MARCHF11: variants seen among roughly 807,000 people sequenced by gnomAD.
MARCHF11 encodes E3 ubiquitin-protein ligase MARCHF11.
Under a neutral mutation model 37.3 loss-of-function variants are expected in MARCHF11, and 29 were observed. The observed-to-expected ratio is 0.78, with a 90% CI of 0.58 to 1.06. The LOEUF is 1.06. Among genes scored for constraint, MARCHF11 ranks in the 50% least tolerant of loss-of-function variants. The probability of loss-of-function intolerance (pLI) is 0.00; values close to 1 mark genes in which losing one functional copy is unlikely to be tolerated. For missense variants in MARCHF11, 482 were observed against 533.4 expected (o/e 0.90, Z 0.95); for synonymous variants, 233 against 228.0 (o/e 1.02, Z -0.20).
chr5:16,135,594 T>A (rs1737595096), intron 2 of MARCHF11, among the ~76,000 whole-genome samples: 1 of 152,092 alleles, frequency 6.6e-6, no homozygotes, highest in South Asian at 2.1e-4. Flanking sequence ...TGAGATCATG[T>A]AGCTCAAGAA....
At chr5:16,155,984 ATG>A (rs1205538708) in intron 2 of MARCHF11, among the ~76,000 whole-genome samples, 1 of 151,874 alleles carries the variant, frequency 6.6e-6, no homozygotes, top group Non-Finnish European at 1.5e-5. Flanking sequence ...TACCTAATAA[ATG>A]TTTCAGTCCT....
At chr5:16,111,066 G>A (rs1047310812) in intron 2 of MARCHF11, among the ~76,000 whole-genome samples, 20 of 152,296 alleles carry the variant, frequency 1.3e-4, no homozygotes, top group East Asian at 1.2e-3. Flanking sequence ...GATTGGAACC[G>A]TGAGTCCATT....
In MARCHF11 at chr5:16,166,966, GTTCATTTACTTATGAACA is replaced by G. The variant is rs1366205735; in HGVS notation, c.693+10742_693+10759del. ...ATGAGTGTGAGGAACGTACAACGAT[GTTCATTTACTTATGAACA>G]TACAACGATGTTCATTTACTTATGA... On this transcript the variant is annotated intron_variant, in intron 2 of 3. Coordinates refer to ENST00000332432, the MANE Select transcript of MARCHF11 (RefSeq NM_001102562.3). Among the ~76,000 whole-genome samples the G allele has an allele frequency of 1.2e-3, 4 of 3,356 alleles. No individual in the cohort carries two copies. In the Non-Finnish European group the frequency reaches 0.017, roughly 14 times the overall value. 2.2% of individuals were successfully genotyped at this position (3,356 alleles called of 152,430 possible).
At chr5:16,098,404 G>A (rs752185792) in intron 2 of MARCHF11, among the ~76,000 whole-genome samples, 5 of 152,202 alleles carry the variant, frequency 3.3e-5, no homozygotes, top group Admixed American at 1.3e-4. Flanking sequence ...GATTATCTGC[G>A]TAGAAATCCC....
At chr5:16,083,960 G>A (rs1051808665) in intron 3 of MARCHF11, among the ~76,000 whole-genome samples, 1 of 152,174 alleles carries the variant, frequency 6.6e-6, no homozygotes, top group African/African-American at 2.4e-5. Context: ...TGATCACAGA[G>A]TTTGATTATC....
intron 2 of MARCHF11, among the ~76,000 whole-genome samples, chr5:16,101,375 C>CAA (rs200730565): frequency 6.7e-6 from 1 of 148,790 alleles, no homozygotes; most frequent in Non-Finnish European, 1.5e-5. Context: ...GACTCCATCT[C>CAA]AAAAAAAAAA....
intron 2 of MARCHF11, among the ~76,000 whole-genome samples, chr5:16,151,496 C>A (rs1230868874): frequency 6.6e-6 from 1 of 151,554 alleles, no homozygotes; most frequent in Non-Finnish European, 1.5e-5. Context: ...ATCCTTTTCC[C>A]AGAAACCATT....
chr5:16,072,526 G>A (rs1452413832), intron 3 of MARCHF11, among the ~76,000 whole-genome samples: 1 of 151,816 alleles, frequency 6.6e-6, no homozygotes, highest in African/African-American at 2.4e-5. Context: ...GTGTGTGTGT[G>A]TGTGTGTGTG....
intron 2 of MARCHF11, among the ~76,000 whole-genome samples, chr5:16,151,649 ATGTGTGTGTGTGTGTGTG>A (rs58891017): frequency 3.0e-5 from 4 of 131,496 alleles, no homozygotes; most frequent in Non-Finnish European, 6.4e-5. Context: ...CGTGAGTTGA[ATGTGTGTGTGTGTGTGTG>A]TGTGTGTGTG....
intron 2 of MARCHF11, among the ~76,000 whole-genome samples, chr5:16,175,733 C>T (rs182922): frequency 0.6 from 91,415 of 152,138 alleles, 28,971 homozygotes; most frequent in East Asian, 0.87. Context: ...AGGGATTGGC[C>T]TCACACAGAT....
intron 3 of MARCHF11, among the ~76,000 whole-genome samples, chr5:16,077,742 G>C (rs958359372): frequency 2.0e-5 from 3 of 152,180 alleles, no homozygotes; most frequent in Non-Finnish European, 4.4e-5. Flanking sequence ...GAAAATTCAA[G>C]ATTGGGATGT....
At chr5:16,076,051 GTCTT>G (rs1360008091) in intron 3 of MARCHF11, among the ~76,000 whole-genome samples, 2 of 152,194 alleles carry the variant, frequency 1.3e-5, no homozygotes, top group African/African-American at 4.8e-5. Flanking sequence ...ATTCCTCCCT[GTCTT>G]TTCAGGCAAA....
intron 3 of MARCHF11, among the ~76,000 whole-genome samples, chr5:16,088,032 G>C (rs953473198): frequency 2.0e-5 from 3 of 152,306 alleles, no homozygotes; most frequent in South Asian, 2.1e-4. Context: ...GGACAGACAG[G>C]AAAGAGGGAT....
chr5:16,105,748 G>A (rs1737029102), intron 2 of MARCHF11, among the ~76,000 whole-genome samples: 1 of 152,068 alleles, frequency 6.6e-6, no homozygotes, highest in African/African-American at 2.4e-5. Context: ...CCCATCAGAA[G>A]GCCAAACACC....
intron 3 of MARCHF11, among the ~76,000 whole-genome samples, chr5:16,078,573 T>C (rs1736557817): frequency 6.6e-6 from 1 of 152,174 alleles, no homozygotes. Flanking sequence ...TTTAGAAGAA[T>C]GGTCATGTTC....
intron 2 of MARCHF11, among the ~76,000 whole-genome samples, chr5:16,108,611 T>C: frequency 6.6e-6 from 1 of 151,974 alleles, no homozygotes; most frequent in East Asian, 1.9e-4. Flanking sequence ...ACCAGATATG[T>C]TTGCTTCCAG....
intron 2 of MARCHF11, among the ~76,000 whole-genome samples, chr5:16,134,064 G>C (rs560290574): frequency 6.6e-6 from 1 of 152,100 alleles, no homozygotes; most frequent in Admixed American, 6.6e-5. Flanking sequence ...AGAAACAATC[G>C]TTAAAGCAAT....
At chr5:16,120,370 A>G (rs1298375450) in intron 2 of MARCHF11, among the ~76,000 whole-genome samples, 1 of 152,154 alleles carries the variant, frequency 6.6e-6, no homozygotes, top group Non-Finnish European at 1.5e-5. Context: ...TACAAGTCTC[A>G]CTTAGATTGC....
chr5:16,125,617 CTCTGTGTGTGTGTGTGTGTG>C (rs1480874191), intron 2 of MARCHF11, among the ~76,000 whole-genome samples: 137 of 117,026 alleles, frequency 1.2e-3, no homozygotes, highest in African/African-American at 4.5e-3. Flanking sequence ...CTGGCACACT[CTCTGTGTGTGTGTGTGTGTG>C]TGTGTGTGTG....
Sources: allele counts gnomAD v4.1 joint callset (sites outside exome capture counted in the v4.1 genomes callset), GRCh38; gene constraint gnomAD v4.1.1; transcripts MANE v1.5; gene names NCBI Gene and HGNC (gene_info 2026-07-23, HGNC 2026-07-21).